Variants in DENND2A observed in about 807,000 individuals in gnomAD.
The protein encoded by DENND2A is DENN domain-containing protein 2A.
DENND2A carries 53 observed loss-of-function variants against 105.3 expected under a neutral mutation model. The observed-to-expected ratio is 0.50, with a 90% CI of 0.40 to 0.63. The LOEUF (loss-of-function observed/expected upper bound fraction) is 0.63. Among genes scored for constraint, DENND2A ranks in the 30% least tolerant of loss-of-function variants. The pLI is 0.00. For synonymous variants in DENND2A, 522 were observed against 508.4 expected (o/e 1.03, Z -0.36); for missense variants, 1,138 against 1,279.6 (o/e 0.89, Z 1.69).
chr7:140,555,595 C>G (rs372001328), intron 12 of DENND2A, 41 bp downstream of exon 12: 1 of 1,593,300 alleles, frequency 6.3e-7, no homozygotes, highest in East Asian at 2.2e-5. Context: ...AGAGCCCTCC[C>G]GTTCCTTCCC....
intron 5 of DENND2A, among the ~76,000 whole-genome samples, chr7:140,581,100 T>A (rs1187888880): frequency 6.6e-6 from 1 of 151,838 alleles, no homozygotes; most frequent in East Asian, 2.0e-4. Flanking sequence ...CTGTCTTTAC[T>A]AAAAATACCC....
intron 3 of DENND2A, among the ~76,000 whole-genome samples, chr7:140,592,626 G>T (rs1215120448): frequency 6.7e-6 from 1 of 150,310 alleles, no homozygotes; most frequent in Admixed American, 6.6e-5. Flanking sequence ...TTGAGACAGA[G>T]TCTGGCTCTG....
intron 1 of DENND2A, among the ~76,000 whole-genome samples, chr7:140,619,651 C>A (rs1243462238): frequency 6.6e-6 from 1 of 151,976 alleles, no homozygotes; most frequent in Admixed American, 6.6e-5. Flanking sequence ...AAGCGTGCAC[C>A]ACCATGCCCA....
chr7:140,634,160 G>C (rs1434749763), intron 1 of DENND2A, among the ~76,000 whole-genome samples: 1 of 151,858 alleles, frequency 6.6e-6, no homozygotes, highest in Non-Finnish European at 1.5e-5. Context: ...CACCACGCCC[G>C]GCTAATTTTT....
At chr7:140,569,513 A>G in intron 7 of DENND2A, 132 bp downstream of exon 7, 1 of 721,496 alleles carries the variant, frequency 1.4e-6, no homozygotes, top group South Asian at 1.6e-5. Flanking sequence ...TCCCAAAGAC[A>G]GTGCGGGACA....
chr7:140,585,404 T>C (rs966905786), intron 5 of DENND2A, among the ~76,000 whole-genome samples, 185 bp downstream of exon 5: 1 of 152,198 alleles, frequency 6.6e-6, no homozygotes, highest in African/African-American at 2.4e-5. Context: ...GGAAGCTTTT[T>C]TGAGCAGAGG....
intron 5 of DENND2A, among the ~76,000 whole-genome samples, chr7:140,580,294 TATGTATGCATGTATGTATGC>T (rs1395983413): frequency 6.7e-5 from 10 of 150,076 alleles, no homozygotes; most frequent in South Asian, 4.3e-4. Flanking sequence ...GAAAGGCATG[TATGTATGCATGTATGTATGC>T]ATGTATGCAT....
chr7:140,544,538 C>T (rs766715009), intron 14 of DENND2A, 80 bp downstream of exon 14: 32 of 1,576,908 alleles, frequency 2.0e-5, no homozygotes, highest in East Asian at 6.7e-5. Context: ...CAATGCTAGG[C>T]GGTCACCTGC....
chr7:140,569,804 C>G (rs564141246), intron 6 of DENND2A, 66 bp from the exon 7 acceptor site: 274 of 1,088,608 alleles, frequency 2.5e-4, no homozygotes, highest in Non-Finnish European at 3.6e-4. Flanking sequence ...CTGGGCTTCC[C>G]TCACTGCCCC....
chr7:140,527,057 A>G lies in DENND2A; in HGVS notation c.2505+261T>C, dbSNP rs1390722588. ...GACTTAAGAGTTTTGACATCTGGCT[A>G]AATTGTTCATTGCTGACCTTCTCAA... is the stretch of plus-strand genomic sequence containing the variant. On this transcript the variant is annotated intron_variant, in intron 15 of 19. Coordinates refer to ENST00000496613, the MANE Select transcript of DENND2A (RefSeq NM_015689.5). The surrounding 1 kb of genome is among the most constrained non-coding windows in gnomAD (Gnocchi z 4.9). Among the ~76,000 whole-genome samples, 1 of 152,170 alleles carries G rather than the reference A, an allele frequency of 6.6e-6. No homozygotes were observed. The highest frequency in any genetic ancestry group is 6.5e-5 in the Admixed American group (1 of 15,268).
chr7:140,624,679 C>T (rs978445076), intron 1 of DENND2A, among the ~76,000 whole-genome samples: 10 of 152,056 alleles, frequency 6.6e-5, no homozygotes, highest in African/African-American at 2.4e-4. Context: ...GTTACACGTT[C>T]CATGTTCTTG....
Position 140,602,100 on chromosome 7 carries a change from T to A in DENND2A, c.298A>T (p.Arg100Trp), listed in dbSNP as rs758564518. The A allele has an allele frequency of 6.2e-7, 1 of 1,614,148 alleles. No homozygotes were observed. The highest frequency in any genetic ancestry group is 8.5e-7 in the Non-Finnish European group (1 of 1,180,018). Residue 100 changes from arginine (R) to tryptophan (W), a missense_variant, in exon 3 of 20, where the codon AGG (arginine) becomes TGG (tryptophan). Arg to Trp is a moderately radical substitution (Grantham distance 101). Around this residue, in one of 2 missense-constraint regions of DENND2A, gnomAD observed 511 missense variants for 499.9 expected, o/e 1.02. Transcript: ENST00000496613. ...TQVTEAKNGM[R>W]PGTESTEKER... is the part of the protein sequence containing the mutation. Reference sequence around the variant, plus strand: ...TTCTCTGTGCTCTCTGTTCCTGGCCTCATTCCATTCTTAGCCTCTGTGACC... The same window carrying A: ...TTCTCTGTGCTCTCTGTTCCTGGCCACATTCCATTCTTAGCCTCTGTGACC...
At chr7:140,592,382 A>T (rs1799092837) in intron 3 of DENND2A, among the ~76,000 whole-genome samples, 2 of 145,740 alleles carry the variant, frequency 1.4e-5, no homozygotes. Flanking sequence ...ATTTTTTAAA[A>T]TTTTATTTTT....
At chr7:140,543,050 G>A (rs1334533555) in intron 14 of DENND2A, among the ~76,000 whole-genome samples, 1 of 151,866 alleles carries the variant, frequency 6.6e-6, no homozygotes, top group Non-Finnish European at 1.5e-5. Flanking sequence ...CTCTAATGTG[G>A]TCCTGGAGAG....
chr7:140,565,436 C>G (rs1044598794), intron 9 of DENND2A, among the ~76,000 whole-genome samples: 3 of 152,198 alleles, frequency 2.0e-5, no homozygotes, highest in South Asian at 4.1e-4. Flanking sequence ...TAGGGCCAAG[C>G]AGAAAATTGC....
intron 1 of DENND2A, among the ~76,000 whole-genome samples, chr7:140,624,517 T>A (rs1378149430): frequency 1.3e-5 from 2 of 152,190 alleles, no homozygotes; most frequent in African/African-American, 4.8e-5. Context: ...ACCTAGCCTG[T>A]CACCTGGCCA....
chr7:140,560,335 C>T (rs528636043), intron 9 of DENND2A, among the ~76,000 whole-genome samples: 125 of 152,254 alleles, frequency 8.2e-4, no homozygotes, highest in Non-Finnish European at 1.5e-3. Flanking sequence ...CACCATCCAG[C>T]CTGACATTCT....
chr7:140,523,458 C>G lies in DENND2A; in HGVS notation c.2548-34G>C, dbSNP rs772405732. 1.6e-5 allele frequency: 26 copies of G among 1,598,532 alleles called. No individual in the cohort carries two copies. The highest frequency in any genetic ancestry group is 1.2e-4 in the South Asian group (11 of 90,730). ...CAGAGGTAGCAGGTGGGCTTATGGG[C>G]ACGGTGGCTGCGTCTTGGCCATAGG... is the stretch of plus-strand genomic sequence containing the variant. On this transcript the variant is annotated intron_variant, in intron 16 of 19. Coordinates refer to ENST00000496613, the MANE Select transcript of DENND2A (RefSeq NM_015689.5). This position sits in a 1 kb window ranked among gnomAD's most constrained non-coding sequence, Gnocchi z 4.5.
intron 3 of DENND2A, among the ~76,000 whole-genome samples, chr7:140,590,903 T>C (rs1378248316): frequency 7.0e-6 from 1 of 143,790 alleles, no homozygotes; most frequent in Non-Finnish European, 1.5e-5. Flanking sequence ...AAAAAAAAGG[T>C]CAGCCATGCT....
Sources: gnomAD v4.1 joint callset for allele counts (sites outside exome capture counted in the v4.1 genomes callset) on GRCh38, gnomAD v4.1.1 for gene constraint, gnomAD v4.1.1 regional missense constraint, Gnocchi (gnomAD v3.1) non-coding constraint, MANE v1.5 for transcripts, NCBI Gene and HGNC (gene_info 2026-07-23, HGNC 2026-07-21) for gene names.